The following EXOC3L2 variants were observed in gnomAD, a reference collection of about 807,000 sequenced individuals.
EXOC3L2 encodes the protein exocyst complex component 3 like 2, also known as exocyst complex component 3-like protein 2.
Under a neutral mutation model 44.4 loss-of-function variants are expected in EXOC3L2, and 17 were observed. The observed-to-expected ratio is 0.38, with a 90% CI of 0.26 to 0.57. The LOEUF is 0.57. EXOC3L2 is among the 20% of genes least tolerant of loss of function. EXOC3L2 has a pLI of 0.65. For missense variants in EXOC3L2, 541 were observed against 588.4 expected, an observed-to-expected ratio of 0.92 and a Z score of 0.83; for synonymous variants, 256 against 253.7, an observed-to-expected ratio of 1.01 and a Z score of -0.09.
chr19:45,223,133 T>A (rs918277453), intron 8 of EXOC3L2, among the ~76,000 whole-genome samples: 2 of 152,054 alleles, frequency 1.3e-5, no homozygotes, highest in African/African-American at 2.4e-5. Flanking sequence ...CTCACACCTA[T>A]AATCCCAGCA....
intron 11 of EXOC3L2, 29 bp from the exon 12 acceptor site, chr19:45,213,386 GCAGATCCC>G: frequency 6.2e-7 from 1 of 1,609,564 alleles, no homozygotes; most frequent in Middle Eastern, 1.7e-4. Context: ...ACAGGTGCAT[GCAGATCCC>G]CAGCTCTAGA....
At chr19:45,231,158 T>C (rs1970027163) in intron 4 of EXOC3L2, among the ~76,000 whole-genome samples, 1 of 152,200 alleles carries the variant, frequency 6.6e-6, no homozygotes, top group Non-Finnish European at 1.5e-5. Flanking sequence ...TCTATGGTTC[T>C]AGGCTCTTAA....
rs773913818 is a variant in EXOC3L2 at position 45,213,089 on chromosome 19, G to A, written c.2389C>T (p.Arg797Ter). Residue 797 changes from arginine (R) to a stop codon, truncating the protein, a stop_gained, in exon 12 of 12, where the codon CGA becomes TGA. Transcript: ENST00000413988. LOFTEE classifies it high-confidence loss of function. ...LPRPRPPSLA[R>*]PRAQR ...GACCCTCAGCGCTGGGCCCGAGGTC[G>A]CGCTAGAGACGGAGGCCGGGGCCGA... 11 of 1,513,800 alleles carry A rather than the reference G, an allele frequency of 7.3e-6. No homozygotes were observed. Among genetic ancestry groups the A allele is most frequent in the East Asian group, 4.7e-5 (2 of 42,740 alleles). 93.8% of individuals were successfully genotyped at this position (1,513,800 alleles called of 1,614,324 possible).
rs1969801135 is a variant in EXOC3L2 at position 45,213,462 on chromosome 19, C to T, written c.2121-105G>A. The T allele has an allele frequency of 2.8e-6, 4 of 1,436,286 alleles. No individual in the cohort carries two copies. The African/African-American group carries it at 5.8e-5, about 21-fold the overall frequency. The allele number at this position is 1,436,286 out of a possible 1,614,324, so 89.0% of individuals were successfully genotyped here. A position where few individuals can be genotyped will look rare whatever the true frequency, so the allele number is the denominator to read the frequency against. On this transcript the variant is annotated intron_variant, in intron 11 of 11. Transcript: ENST00000413988. ...ACCCCCTCACCTATCCCAGAAATTG[C>T]CTGAGTTCTGGGGCCTCTGTGTCCC...
At chr19:45,225,250 TC>T (rs1224337818) in intron 7 of EXOC3L2, among the ~76,000 whole-genome samples, 3 of 151,458 alleles carry the variant, frequency 2.0e-5, no homozygotes, top group African/African-American at 7.3e-5. Context: ...TGTGGAGGCC[TC>T]CATTCTAAAA....
intron 7 of EXOC3L2, among the ~76,000 whole-genome samples, 189 bp downstream of exon 7, chr19:45,227,473 G>A (rs569332522): frequency 1.2e-4 from 19 of 152,140 alleles, no homozygotes; most frequent in South Asian, 6.2e-4. Context: ...TCTGTAATTC[G>A]AACACTCCAA....
Position 45,217,628 on chromosome 19 carries a change from A to C in EXOC3L2, c.1898T>G (p.Leu633Arg). The C allele has an allele frequency of 2.0e-6, 3 of 1,477,956 alleles. No individual in the cohort carries two copies. Among genetic ancestry groups the C allele is most frequent in the Non-Finnish European group, 2.7e-6 (3 of 1,124,038 alleles). 91.6% of individuals were successfully genotyped at this position (1,477,956 alleles called of 1,614,324 possible). A position where few individuals can be genotyped will look rare whatever the true frequency, so the allele number is the denominator to read the frequency against. ...RALVEYVRPL[L>R]RGRLRCSSAR... ...CGAGCTGCAGCGCAGGCGCCCACGG[A>C]GCAGGGGCCGCACGTACTCGACCAG... Residue 633 changes from leucine (L) to arginine (R), a missense_variant, in exon 10 of 12, where the codon CTC (leucine) becomes CGC (arginine). Transcript: ENST00000413988.
chr19:45,213,094 A>G lies in EXOC3L2; in HGVS notation c.2384T>C (p.Leu795Pro), dbSNP rs1969793790. ...TCAGCGCTGGGCCCGAGGTCGCGCT[A>G]GAGACGGAGGCCGGGGCCGAGGCAG... ...ACLPRPRPPS[L>P]ARPRAQR Residue 795 changes from leucine to proline, a missense_variant, in exon 12 of 12, where the codon CTA becomes CCA. Leu to Pro is a moderately conservative substitution (Grantham distance 98). Transcript: ENST00000413988. 2 of 1,523,302 alleles carry G rather than the reference A, an allele frequency of 1.3e-6. No homozygotes were observed. Among genetic ancestry groups the G allele is most frequent in the Non-Finnish European group, 8.8e-7 (1 of 1,140,434 alleles). The allele number at this position is 1,523,302 out of a possible 1,614,324, so 94.4% of individuals were successfully genotyped here.
intron 1 of EXOC3L2, among the ~76,000 whole-genome samples, chr19:45,242,738 T>G (rs1409946206): frequency 6.6e-6 from 1 of 151,820 alleles, no homozygotes; most frequent in Non-Finnish European, 1.5e-5. Context: ...GGCGGGTGCC[T>G]GTAGTCCTAG....
chr19:45,234,090 C>CTGTA lies in EXOC3L2; in HGVS notation c.1157+99_1157+102dup, dbSNP rs1195865169. On this transcript the variant is annotated intron_variant, in intron 3 of 11. Coordinates refer to ENST00000413988, the MANE Select transcript of EXOC3L2 (RefSeq NM_001382422.1). The surrounding 1 kb of genome is among the most constrained non-coding windows in gnomAD (Gnocchi z 5.0). ...GGTTAATGGTGTTAAAGTGCTAGGACTGTAGGGTCAGCTGTCCCAAGGTCC... is the reference window on the plus strand; with the variant it reads ...GGTTAATGGTGTTAAAGTGCTAGGACTGTATGTAGGGTCAGCTGTCCCAAGGTCC... The CTGTA allele has an allele frequency of 5.4e-6, 2 of 372,940 alleles. No homozygotes were observed. The highest frequency in any genetic ancestry group is 4.8e-6 in the Non-Finnish European group (1 of 209,482). The allele number at this position is 372,940 out of a possible 1,614,324, so 23.1% of individuals were successfully genotyped here.
chr19:45,216,376 C>T lies in EXOC3L2; in HGVS notation c.1999-182G>A, dbSNP rs543297028. Among the ~76,000 whole-genome samples the T allele has an allele frequency of 6.4e-4, 98 of 152,154 alleles. 1 individual carries two copies. The highest frequency in any genetic ancestry group is 1.2e-3 in the African/African-American group (50 of 41,526). On this transcript the variant is annotated intron_variant, in intron 10 of 11. Transcript: ENST00000413988. Reference sequence around the variant, plus strand: ...GGTGGATCACTAGAGGTCAGGACATCGAGACCAACCTGGCCAGTATGGTGA... The same window carrying T: ...GGTGGATCACTAGAGGTCAGGACATTGAGACCAACCTGGCCAGTATGGTGA...
At position 45,216,180 on chromosome 19, in the gene EXOC3L2, C is replaced by G. The variant is rs1482757962; in HGVS notation, c.2013G>C (p.Ser671=). The G allele has an allele frequency of 5.0e-6, 8 of 1,613,734 alleles. No homozygotes were observed. The highest frequency in any genetic ancestry group is 2.2e-5 in the East Asian group (1 of 44,892). ...AATGGGGCACCACGGCATCCAGCCA[C>G]GAGGCCTGGGACTCCTGCAGGGGAG... ...RLFRRLESQA[S]WLDAVVPHLA... The change falls in exon 11 of 12, where the codon TCG becomes TCC. Residue 671 remains serine (S), a synonymous_variant. Coordinates refer to ENST00000413988, the MANE Select transcript of EXOC3L2 (RefSeq NM_001382422.1).
chr19:45,231,687 G>A (rs954559390), intron 4 of EXOC3L2, 76 bp downstream of exon 4: 2 of 1,279,494 alleles, frequency 1.6e-6, no homozygotes, highest in African/African-American at 2.9e-5. Context: ...AGGTGGAGGG[G>A]ACAGGCTTCC....
chr19:45,231,554 G>A (rs759108900), intron 4 of EXOC3L2, among the ~76,000 whole-genome samples: 2 of 151,924 alleles, frequency 1.3e-5, no homozygotes, highest in African/African-American at 2.4e-5. Context: ...TGTACTCTAA[G>A]GTTTGAAGTG....
intron 7 of EXOC3L2, 151 bp from the exon 8 acceptor site, chr19:45,225,064 G>T: frequency 9.4e-7 from 1 of 1,060,460 alleles, no homozygotes; most frequent in Non-Finnish European, 1.2e-6. Context: ...GAGGGGTCAG[G>T]GGATGCTTGA....
At chr19:45,244,683 C>T (rs1027483010) in intron 1 of EXOC3L2, among the ~76,000 whole-genome samples, 8 of 152,286 alleles carry the variant, frequency 5.3e-5, no homozygotes, top group East Asian at 1.9e-4. Context: ...GCCTTTTCCC[C>T]GGAGTCCCTA....
intron 1 of EXOC3L2, among the ~76,000 whole-genome samples, chr19:45,245,023 G>A (rs769588806): frequency 6.6e-6 from 1 of 151,718 alleles, no homozygotes; most frequent in Non-Finnish European, 1.5e-5. Flanking sequence ...GCCCAGACTC[G>A]CAGGACATTC....
chr19:45,234,809 G>T lies in EXOC3L2; in HGVS notation c.541C>A (p.Leu181Met). Residue 181 changes from leucine to methionine, a missense_variant, in exon 3 of 12, where the codon CTG becomes ATG. Physicochemically the swap from Leu to Met is conservative, Grantham distance 15. Coordinates refer to ENST00000413988, the MANE Select transcript of EXOC3L2 (RefSeq NM_001382422.1). The surrounding 1 kb of genome is among the most constrained non-coding windows in gnomAD (Gnocchi z 5.0). ...CGCGCTAGTTCGCGCTGCTGGATCA[G>T]GCTCAGGATCTCCAGCACTGCGGGA... ...EPLSVLEILSLIQQRELARAD... is the reference protein window; with the variant it reads ...EPLSVLEILSMIQQRELARAD... 2.5e-6 allele frequency: 1 copy of T among 395,394 alleles called. No individual in the cohort carries two copies. Among genetic ancestry groups the T allele is most frequent in the South Asian group, 1.3e-4 (1 of 7,838 alleles). The allele number at this position is 395,394 out of a possible 1,614,324, so 24.5% of individuals were successfully genotyped here. A position where few individuals can be genotyped will look rare whatever the true frequency, so the allele number is the denominator to read the frequency against.
intron 8 of EXOC3L2, among the ~76,000 whole-genome samples, chr19:45,222,606 T>G (rs1036986710): frequency 3.8e-4 from 58 of 152,094 alleles, no homozygotes; most frequent in African/African-American, 1.2e-3. Flanking sequence ...CCCTGTTTCT[T>G]TTGCTTCTGC....
Sources: allele counts gnomAD v4.1 joint callset (sites outside exome capture counted in the v4.1 genomes callset), GRCh38; gene constraint gnomAD v4.1.1; non-coding constraint Gnocchi (gnomAD v3.1); transcripts MANE v1.5; gene names NCBI Gene and HGNC (gene_info 2026-07-23, HGNC 2026-07-21).